MICU2: variants seen among roughly 807,000 people sequenced by gnomAD.
The protein encoded by MICU2 is mitochondrial calcium uptake 2.
MICU2 carries 64 observed loss-of-function variants against 60.4 expected under a neutral mutation model. The observed-to-expected ratio is 1.06, with a 90% CI of 0.87 to 1.31. The LOEUF (loss-of-function observed/expected upper bound fraction) is 1.31. Ranked by LOEUF, MICU2 falls within the 50% of genes most tolerant of loss-of-function variation. The probability of loss-of-function intolerance (pLI) is 0.00; values close to 1 mark genes in which losing one functional copy is unlikely to be tolerated. For synonymous variants in MICU2, 201 were observed against 175.0 expected (o/e 1.15, Z -1.17); for missense variants, 569 against 531.0 (o/e 1.07, Z -0.70).
At chr13:21,515,650 G>C (rs1462993389) in intron 6 of MICU2, 1 of 340,638 alleles carries the variant, frequency 2.9e-6, no homozygotes. Flanking sequence ...AATCAATTAG[G>C]AGACAAACCT....
Position 21,502,916 on chromosome 13 carries a change from G to T in MICU2, c.933+10C>A. On this transcript the variant is annotated intron_variant, in intron 9 of 11. Transcript: ENST00000382374. Reference sequence around the variant, plus strand: ...TCTTTATCACATGCATAATAAAAGGGTATACCAACCTCTCCTGCTGACAAC... The same window carrying T: ...TCTTTATCACATGCATAATAAAAGGTTATACCAACCTCTCCTGCTGACAAC... 1 of 1,601,732 alleles carries T rather than the reference G, an allele frequency of 6.2e-7. No individual in the cohort carries two copies. The highest frequency in any genetic ancestry group is 1.1e-5 in the South Asian group (1 of 88,170).
intron 2 of MICU2, among the ~76,000 whole-genome samples, chr13:21,564,847 C>T (rs748692056): frequency 1.3e-5 from 2 of 152,164 alleles, no homozygotes; most frequent in Non-Finnish European, 1.5e-5. Flanking sequence ...CTCACAAAAG[C>T]GTATGGGCTT....
chr13:21,594,286 T>C (rs1888646579), intron 1 of MICU2, among the ~76,000 whole-genome samples: 1 of 152,146 alleles, frequency 6.6e-6, no homozygotes, highest in Non-Finnish European at 1.5e-5. Flanking sequence ...AAAGAGCTCA[T>C]CATCACTGGT....
Position 21,539,540 on chromosome 13 carries a change from C to T in MICU2, c.390+117G>A, listed in dbSNP as rs193249746. 19 of 1,399,472 alleles carry T rather than the reference C, an allele frequency of 1.4e-5. No individual in the cohort carries two copies. The East Asian group carries it at 2.5e-4, about 19-fold the overall frequency. 86.7% of individuals were successfully genotyped at this position (1,399,472 alleles called of 1,614,324 possible). ...ATGGTGATCTCCTGACCTCGTGATCCGCCCACCTTGGCCTCCCAAAGTGCT... is the reference window on the plus strand; with the variant it reads ...ATGGTGATCTCCTGACCTCGTGATCTGCCCACCTTGGCCTCCCAAAGTGCT... On this transcript the variant is annotated intron_variant, in intron 3 of 11. Transcript: ENST00000382374.
chr13:21,603,531 C>A (rs912977508), intron 1 of MICU2: 5 of 225,570 alleles, frequency 2.2e-5, no homozygotes, highest in Non-Finnish European at 4.3e-5. Context: ...ACAGGGGTAA[C>A]TGGACGCAAA....
intron 6 of MICU2, among the ~76,000 whole-genome samples, chr13:21,516,432 T>TGTGTTATA: frequency 6.6e-6 from 1 of 152,248 alleles, no homozygotes; most frequent in Non-Finnish European, 1.5e-5. Flanking sequence ...TTTTATTACA[T>TGTGTTATA]TTTATGAATA....
chr13:21,539,546 C>T (rs182335660), intron 3 of MICU2, 111 bp downstream of exon 3: 30 of 1,437,692 alleles, frequency 2.1e-5, no homozygotes, highest in Non-Finnish European at 2.4e-5. Flanking sequence ...GATCCGCCCA[C>T]CTTGGCCTCC....
At chr13:21,551,555 T>C (rs974300113) in intron 2 of MICU2, 2 of 151,246 alleles carry the variant, frequency 1.3e-5, no homozygotes, top group African/African-American at 4.9e-5. Context: ...TCATTTAGCA[T>C]TAGGTATATC....
intron 1 of MICU2, among the ~76,000 whole-genome samples, chr13:21,578,522 G>A (rs1176407518): frequency 6.6e-6 from 1 of 152,066 alleles, no homozygotes; most frequent in African/African-American, 2.4e-5. Context: ...CTGCGAGGTT[G>A]AGACTGCAGT....
chr13:21,497,909 C>A (rs969270317), intron 9 of MICU2, among the ~76,000 whole-genome samples: 1 of 152,110 alleles, frequency 6.6e-6, no homozygotes, highest in Non-Finnish European at 1.5e-5. Context: ...GCACCACACC[C>A]AACTAATGTT....
At chr13:21,541,169 A>C (rs2138003458) in intron 2 of MICU2, among the ~76,000 whole-genome samples, 1 of 152,252 alleles carries the variant, frequency 6.6e-6, no homozygotes, top group African/African-American at 2.4e-5. Flanking sequence ...ATGGTGTCTA[A>C]GAGTTTCTTA....
intron 1 of MICU2, among the ~76,000 whole-genome samples, chr13:21,579,904 T>A (rs963028588): frequency 9.2e-5 from 14 of 152,244 alleles, no homozygotes; most frequent in African/African-American, 3.4e-4. Context: ...GAATTTGCAG[T>A]ATAACGACGG....
At chr13:21,545,580 C>T (rs1266647784) in intron 2 of MICU2, among the ~76,000 whole-genome samples, 6 of 151,872 alleles carry the variant, frequency 4.0e-5, no homozygotes, top group African/African-American at 1.2e-4. Context: ...ACTCTGGAGG[C>T]TGAGGCAGGA....
chr13:21,567,479 C>G (rs1449268896), intron 1 of MICU2, among the ~76,000 whole-genome samples: 4 of 152,118 alleles, frequency 2.6e-5, no homozygotes, highest in Non-Finnish European at 5.9e-5. Context: ...AGAAGAGAGT[C>G]AGGAGGGCAA....
In MICU2 at chr13:21,534,350, C is replaced by T. The variant is rs533650130; in HGVS notation, c.466+4952G>A. Reference sequence around the variant, plus strand: ...CCTCCCAAATAGAGGGTATTACAGGCGTGAGCCACCATGTGCAGCTAATTT... The same window carrying T: ...CCTCCCAAATAGAGGGTATTACAGGTGTGAGCCACCATGTGCAGCTAATTT... On this transcript the variant is annotated intron_variant, in intron 4 of 11. Transcript: ENST00000382374. Among the ~76,000 whole-genome samples, 13 of 152,056 alleles carry T rather than the reference C, an allele frequency of 8.5e-5. No individual in the cohort carries two copies. The South Asian group carries it at 1.5e-3, about 17-fold the overall frequency.
Position 21,493,125 on chromosome 13 carries a change from C to A in MICU2, c.*124G>T, listed in dbSNP as rs1177258156. The A allele has an allele frequency of 5.8e-6, 3 of 513,184 alleles. No homozygotes were observed. Among genetic ancestry groups the A allele is most frequent in the African/African-American group, 4.0e-5 (2 of 50,246 alleles). 31.8% of individuals were successfully genotyped at this position (513,184 alleles called of 1,614,324 possible). A position where few individuals can be genotyped will look rare whatever the true frequency, so the allele number is the denominator to read the frequency against. On this transcript the variant is annotated 3_prime_UTR_variant, in exon 12 of 12. Transcript: ENST00000382374. ...AAAATTATGAATCAGAAAGCAAGTA[C>A]AAGACATGCTTATTTCACACAGAAT...
intron 1 of MICU2, among the ~76,000 whole-genome samples, chr13:21,574,693 G>A (rs368736560): frequency 6.6e-6 from 1 of 152,168 alleles, no homozygotes; most frequent in East Asian, 1.9e-4. Context: ...CATGGCATTA[G>A]ACAAAATATA....
In MICU2 at chr13:21,556,665, T is replaced by G. The variant is rs571592788; in HGVS notation, c.358+10132A>C. ...AGCAGGGCAAGAGCACTACTTCCAGTTTAAAAGGCCAGGAAGCATGTAGGC... is the reference window on the plus strand; with the variant it reads ...AGCAGGGCAAGAGCACTACTTCCAGGTTAAAAGGCCAGGAAGCATGTAGGC... On this transcript the variant is annotated intron_variant, in intron 2 of 11. Transcript: ENST00000382374. Among the ~76,000 whole-genome samples the G allele has an allele frequency of 1.1e-4, 16 of 152,110 alleles. No homozygotes were observed. In the South Asian group the frequency reaches 2.3e-3, roughly 22 times the overall value.
At chr13:21,499,640 G>A (rs752704500) in intron 9 of MICU2, among the ~76,000 whole-genome samples, 1 of 151,056 alleles carries the variant, frequency 6.6e-6, no homozygotes, top group Non-Finnish European at 1.5e-5. Flanking sequence ...TCAATCTTCT[G>A]ACCTCATGAT....
Sources: allele counts gnomAD v4.1 joint callset (sites outside exome capture counted in the v4.1 genomes callset), GRCh38; gene constraint gnomAD v4.1.1; transcripts MANE v1.5; gene names NCBI Gene and HGNC (gene_info 2026-07-23, HGNC 2026-07-21).